The following ERICH1 variants were observed in gnomAD, a reference collection of about 807,000 sequenced individuals.
The protein encoded by ERICH1 is glutamate-rich protein 1.
In ERICH1, 56 loss-of-function variants were observed where a neutral mutation model predicts 39.6. The ratio of observed to expected loss-of-function variants is 1.41; its 90% CI spans 1.14 to 1.77. ERICH1 has a LOEUF of 1.77. Ranked by LOEUF, ERICH1 falls within the 40% of genes most tolerant of loss-of-function variation. The probability of loss-of-function intolerance (pLI) is 0.00; values close to 1 mark genes in which losing one functional copy is unlikely to be tolerated. For missense variants in ERICH1, 826 were observed against 575.4 expected, an observed-to-expected ratio of 1.44 and a Z score of -4.45; for synonymous variants, 313 against 223.6, an observed-to-expected ratio of 1.40 and a Z score of -3.57.
intron 4 of ERICH1, among the ~76,000 whole-genome samples, chr8:672,867 C>A (rs938370578): frequency 6.6e-6 from 1 of 152,220 alleles, no homozygotes; most frequent in African/African-American, 2.4e-5. Context: ...TTTCCTTCAC[C>A]TCTCAGTCTG....
At chr8:656,287 C>T (rs762986397) in intron 3 of ERICH1, among the ~76,000 whole-genome samples, 27 of 152,206 alleles carry the variant, frequency 1.8e-4, no homozygotes, top group Non-Finnish European at 3.4e-4. Flanking sequence ...GCTGCTCCTC[C>T]CCTTCGAAAT....
chr8:624,397 G>A (rs987109882), intron 3 of ERICH1, among the ~76,000 whole-genome samples: 2 of 152,234 alleles, frequency 1.3e-5, no homozygotes, highest in African/African-American at 2.4e-5. Flanking sequence ...ACACGAACCT[G>A]CAGTTCTACT....
intron 2 of ERICH1, among the ~76,000 whole-genome samples, chr8:701,593 G>C (rs1022258008): frequency 1.3e-5 from 2 of 152,190 alleles, no homozygotes; most frequent in African/African-American, 4.8e-5. Flanking sequence ...AACAGAGTCG[G>C]ACCACCACCT....
chr8:636,512 C>A (rs1798454811), intron 3 of ERICH1, among the ~76,000 whole-genome samples: 1 of 152,242 alleles, frequency 6.6e-6, no homozygotes, highest in African/African-American at 2.4e-5. Context: ...TGGGTTCTGC[C>A]CCACGTGGGC....
chr8:678,384 C>T (rs1265649342), intron 3 of ERICH1, among the ~76,000 whole-genome samples: 1 of 151,064 alleles, frequency 6.6e-6, no homozygotes, highest in Non-Finnish European at 1.5e-5. Flanking sequence ...ATCAGTTAAT[C>T]CGTTAGAAAC....
intron 2 of ERICH1, among the ~76,000 whole-genome samples, chr8:695,935 CT>C (rs1810150455): frequency 1.3e-5 from 1 of 77,432 alleles, no homozygotes; most frequent in South Asian, 6.4e-4. Flanking sequence ...CACTCCTCTC[CT>C]TCCTCCCCAT....
At chr8:670,027 C>T (rs1310086285) in intron 4 of ERICH1, among the ~76,000 whole-genome samples, 1 of 152,138 alleles carries the variant, frequency 6.6e-6, no homozygotes, top group Non-Finnish European at 1.5e-5. Context: ...ACACAACTTC[C>T]CACTCCATGT....
intron 2 of ERICH1, among the ~76,000 whole-genome samples, chr8:712,452 C>T (rs987049039): frequency 8.6e-5 from 13 of 151,974 alleles, no homozygotes; most frequent in South Asian, 6.2e-4. Flanking sequence ...GTTTTTGAGA[C>T]GGAGTCTTGC....
chr8:660,913 G>A (rs1052529822), downstream of ERICH1, among the ~76,000 whole-genome samples: 6 of 151,994 alleles, frequency 3.9e-5, no homozygotes, highest in Non-Finnish European at 5.9e-5. Context: ...CTGCTCCTCC[G>A]CTGGGTCCTG....
At chr8:684,323 G>A (rs1171526037) in intron 3 of ERICH1, among the ~76,000 whole-genome samples, 1 of 151,732 alleles carries the variant, frequency 6.6e-6, no homozygotes, top group Admixed American at 6.6e-5. Flanking sequence ...TACAAATGAA[G>A]AAAAGCCATT....
chr8:632,358 C>T (rs1348815907), intron 3 of ERICH1, among the ~76,000 whole-genome samples: 1 of 151,898 alleles, frequency 6.6e-6, no homozygotes, highest in Non-Finnish European at 1.5e-5. Context: ...GCCAAGGCTG[C>T]AAGAAATGTT....
chr8:699,368 C>G (rs1228578086), intron 2 of ERICH1, among the ~76,000 whole-genome samples: 1 of 152,190 alleles, frequency 6.6e-6, no homozygotes, highest in Non-Finnish European at 1.5e-5. Flanking sequence ...CTTCTTCTCT[C>G]CTGGTACCAC....
chr8:670,675 C>T (rs1459625729), intron 4 of ERICH1, among the ~76,000 whole-genome samples: 1 of 152,206 alleles, frequency 6.6e-6, no homozygotes, highest in Non-Finnish European at 1.5e-5. Context: ...GGCTTCTCAT[C>T]TTCCACCCAC....
At position 708,695 on chromosome 8, in the gene ERICH1, T is replaced by TTTTTTTTTTG. The variant is rs1554526277; in HGVS notation, c.169+7165_169+7166insCAAAAAAAAA. On this transcript the variant is annotated intron_variant, in intron 2 of 5. Transcript: ENST00000262109. ...CGGGATAATGAGTTTTTTTTTTTTTTTTTTTTTTTTTTTTTTGAGACAGGG... is the reference window on the plus strand; with the variant it reads ...CGGGATAATGAGTTTTTTTTTTTTTTTTTTTTTTTGTTTTTTTTTTTTTTTTGAGACAGGG... Among the ~76,000 whole-genome samples, 120 of 129,186 alleles carry TTTTTTTTTTG rather than the reference T, an allele frequency of 9.3e-4. 5 individuals are homozygous for TTTTTTTTTTG. Among genetic ancestry groups the TTTTTTTTTTG allele is most frequent in the Non-Finnish European group, 1.3e-3 (75 of 59,938 alleles). The allele number at this position is 129,186 out of a possible 152,430, so 84.8% of individuals were successfully genotyped here. A position where few individuals can be genotyped will look rare whatever the true frequency, so the allele number is the denominator to read the frequency against.
chr8:685,478 T>C (rs1483583227), intron 3 of ERICH1, among the ~76,000 whole-genome samples: 1 of 152,166 alleles, frequency 6.6e-6, no homozygotes, highest in Non-Finnish European at 1.5e-5. Flanking sequence ...AAGAAGATGA[T>C]GGGATTAAGA....
chr8:636,271 G>A (rs1442611128), intron 3 of ERICH1, among the ~76,000 whole-genome samples: 2 of 152,236 alleles, frequency 1.3e-5, no homozygotes, highest in South Asian at 4.1e-4. Flanking sequence ...GCTCAGCTGC[G>A]TGGCCACGTG....
chr8:724,301 T>C (rs1461492045), intron 1 of ERICH1, among the ~76,000 whole-genome samples: 9 of 152,170 alleles, frequency 5.9e-5, no homozygotes, highest in Admixed American at 5.9e-4. Context: ...CATAGTGAGA[T>C]CCGATCTCTA....
chr8:688,213 A>C (rs946761991), intron 3 of ERICH1, among the ~76,000 whole-genome samples: 2 of 114,736 alleles, frequency 1.7e-5, no homozygotes, highest in Non-Finnish European at 3.7e-5. Flanking sequence ...TGAGCCGCCC[A>C]CGCAGGTTTC....
chr8:692,448 G>T (rs1563274498), intron 3 of ERICH1, 30 bp downstream of exon 3: 1 of 1,613,750 alleles, frequency 6.2e-7, no homozygotes, highest in East Asian at 2.2e-5. Context: ...CTGCAAAGAT[G>T]TCTACCTTTC....
Sources: allele counts gnomAD v4.1 joint callset (sites outside exome capture counted in the v4.1 genomes callset), GRCh38; gene constraint gnomAD v4.1.1; transcripts MANE v1.5; gene names NCBI Gene and HGNC (gene_info 2026-07-23, HGNC 2026-07-21).